Variants in LRP6 observed in about 807,000 individuals in gnomAD.
The protein encoded by LRP6 is LDL receptor related protein 6.
In LRP6, 43 loss-of-function variants were observed where a neutral mutation model predicts 184.1. The ratio of observed to expected loss-of-function variants is 0.23; its 90% CI spans 0.18 to 0.30. The LOEUF (loss-of-function observed/expected upper bound fraction) is 0.30. Ranked by LOEUF, LRP6 falls within the 10% of genes least tolerant of loss-of-function variation. The pLI is 1.00. For synonymous variants in LRP6, 719 were observed against 684.9 expected (o/e 1.05, Z -0.78); for missense variants, 1,571 against 2,005.3 (o/e 0.78, Z 4.14).
At chr12:12,184,712 A>G (rs1863427539) in intron 4 of LRP6, among the ~76,000 whole-genome samples, 1 of 152,250 alleles carries the variant, frequency 6.6e-6, no homozygotes, top group Non-Finnish European at 1.5e-5. Context: ...GGAATAGATT[A>G]AAGTGAAGGA....
chr12:12,169,234 G>GCTAATA (rs1555110241), intron 7 of LRP6, among the ~76,000 whole-genome samples: 3 of 148,706 alleles, frequency 2.0e-5, no homozygotes, highest in Admixed American at 1.3e-4. Flanking sequence ...GCCTCAAAAT[G>GCTAATA]ATAATAATAA....
intron 3 of LRP6, among the ~76,000 whole-genome samples, chr12:12,198,530 C>CTTTTTTTTTTTTTTTT (rs56150307): frequency 3.9e-5 from 3 of 76,990 alleles, no homozygotes; most frequent in Non-Finnish European, 5.0e-5. Flanking sequence ...GAATTTTTCT[C>CTTTTTTTTTTTTTTTT]TTTTTTTTTT....
In LRP6 at chr12:12,165,160, G is replaced by A. The variant is rs1565587538; in HGVS notation, c.1681C>T (p.Arg561Ter). ...QRRSIERVHKRSAEREVIIDQ... is the reference protein window; with the variant it reads ...QRRSIERVHK ...ATGATCACTTCCCTCTCTGCACTTCGTTTATGAACTCTTTCAATGCTACGC... is the reference window on the plus strand; with the variant it reads ...ATGATCACTTCCCTCTCTGCACTTCATTTATGAACTCTTTCAATGCTACGC... Residue 561 changes from arginine (R) to a stop codon, truncating the protein, a stop_gained, in exon 8 of 23, where the codon CGA (arginine) becomes TGA (stop). Transcript: ENST00000261349. LOFTEE classifies it high-confidence loss of function. 6.2e-7 allele frequency: 1 copy of A among 1,613,842 alleles called. No individual in the cohort carries two copies. Among genetic ancestry groups the A allele is most frequent in the African/African-American group, 1.3e-5 (1 of 74,944 alleles).
chr12:12,127,069 C>CA, intron 19 of LRP6, 148 bp from the exon 20 acceptor site: 2 of 697,200 alleles, frequency 2.9e-6, no homozygotes, highest in Non-Finnish European at 5.1e-6. Flanking sequence ...TGAGTACATA[C>CA]ATACCACGCC....
intron 2 of LRP6, among the ~76,000 whole-genome samples, chr12:12,237,467 G>GT (rs1477009396): frequency 6.6e-6 from 1 of 152,122 alleles, no homozygotes; most frequent in Non-Finnish European, 1.5e-5. Flanking sequence ...GTGGATAAAA[G>GT]TATGATGAGA....
chr12:12,137,246 G>T (rs140423693), intron 16 of LRP6, among the ~76,000 whole-genome samples: 4 of 152,078 alleles, frequency 2.6e-5, no homozygotes, highest in Non-Finnish European at 5.9e-5. Flanking sequence ...TGGCATCCCC[G>T]GTACCATCAT....
chr12:12,166,874 G>A (rs993070181), intron 7 of LRP6, among the ~76,000 whole-genome samples: 1 of 152,190 alleles, frequency 6.6e-6, no homozygotes, highest in Non-Finnish European at 1.5e-5. Flanking sequence ...AAGGCAGGAG[G>A]AGCACTTAAG....
At chr12:12,161,273 T>C (rs1046031639) in intron 10 of LRP6, among the ~76,000 whole-genome samples, 1 of 147,708 alleles carries the variant, frequency 6.8e-6, no homozygotes, top group Non-Finnish European at 1.5e-5. Context: ...TGTTTACTTC[T>C]TTTTTTTTTT....
intron 2 of LRP6, among the ~76,000 whole-genome samples, chr12:12,229,044 G>T (rs1186946097): frequency 6.6e-6 from 1 of 152,176 alleles, no homozygotes; most frequent in East Asian, 1.9e-4. Context: ...GATCTGCTAG[G>T]ATATGACACA....
chr12:12,258,894 T>C (rs954664418), intron 1 of LRP6, among the ~76,000 whole-genome samples: 4 of 152,082 alleles, frequency 2.6e-5, no homozygotes, highest in Non-Finnish European at 4.4e-5. Context: ...TTAGAGAAAA[T>C]AGCCTCCTGG....
Position 12,132,000 on chromosome 12 carries a change from A to T in LRP6, c.3791T>A (p.Ile1264Asn). The T allele has an allele frequency of 6.2e-7, 1 of 1,614,170 alleles. No individual in the cohort carries two copies. The highest frequency in any genetic ancestry group is 8.5e-7 in the Non-Finnish European group (1 of 1,180,032). Residue 1264 changes from isoleucine to asparagine, a missense_variant, in exon 18 of 23, where the codon ATC becomes AAC. Transcript: ENST00000261349. Reference sequence around the variant, plus strand: ...CCCATCGCACCGCCAAGCCACAGGGATACAGTCAATTTCCCCCGTGAAACA... The same window carrying T: ...CCCATCGCACCGCCAAGCCACAGGGTTACAGTCAATTTCCCCCGTGAAACA... Reference protein sequence around the residue: ...FTCFTGEIDCIPVAWRCDGFT... With the variant: ...FTCFTGEIDCNPVAWRCDGFT...
chr12:12,196,539 G>A lies in LRP6; in HGVS notation c.647+6664C>T, dbSNP rs539573052. Among the ~76,000 whole-genome samples the A allele has an allele frequency of 1.7e-4, 25 of 150,336 alleles. No homozygotes were observed. In the East Asian group the frequency reaches 4.7e-3, roughly 28 times the overall value. On this transcript the variant is annotated intron_variant, in intron 3 of 22. Transcript: ENST00000261349. ...ATAGAAATGCTACTGATCTTTTTGT[G>A]TTGATTTTGTATCCTGCAACTTTAC... is the stretch of plus-strand genomic sequence containing the variant.
chr12:12,208,730 T>C (rs1165840727), intron 2 of LRP6, among the ~76,000 whole-genome samples: 1 of 152,138 alleles, frequency 6.6e-6, no homozygotes, highest in African/African-American at 2.4e-5. Flanking sequence ...CACACTGAAA[T>C]GGGTAAAGGA....
rs533564115 is a variant in LRP6 at position 12,181,395 on chromosome 12, G to A, written c.1021C>T (p.Arg341Cys). 1.2e-5 allele frequency: 18 copies of A among 1,484,706 alleles called. No homozygotes were observed. The highest frequency in any genetic ancestry group is 6.8e-5 in the East Asian group (3 of 44,296). 92.0% of individuals were successfully genotyped at this position (1,484,706 alleles called of 1,614,324 possible). A position where few individuals can be genotyped will look rare whatever the true frequency, so the allele number is the denominator to read the frequency against. Reference protein sequence around the residue: ...LLLARRTDLRRISLDTPDFTD... With the variant: ...LLLARRTDLRCISLDTPDFTD... ...AAATCTGGTGTATCCAAAGAAATGC[G>A]TCTCAAGTCTGTCCTTCGAGCTAAA... Residue 341 changes from arginine to cysteine, a missense_variant, in exon 6 of 23, where the codon CGC becomes TGC. This residue lies in a region of LRP6 where 640 missense variants were observed against 851.9 expected (regional missense o/e 0.75). Coordinates refer to ENST00000261349, the MANE Select transcript of LRP6 (RefSeq NM_002336.3).
At chr12:12,199,707 T>A (rs1257239000) in intron 3 of LRP6, among the ~76,000 whole-genome samples, 1 of 152,052 alleles carries the variant, frequency 6.6e-6, no homozygotes, top group African/African-American at 2.4e-5. Flanking sequence ...GGCTCATGCC[T>A]GTAATTCCAG....
At chr12:12,183,876 G>C in intron 5 of LRP6, 104 bp downstream of exon 5, 4 of 988,310 alleles carry the variant, frequency 4.0e-6, no homozygotes, top group Non-Finnish European at 6.4e-6. Context: ...TTAAGTGACT[G>C]GTCTCCCAAA....
At chr12:12,211,130 T>C (rs777091793) in intron 2 of LRP6, 4 of 152,194 alleles carry the variant, frequency 2.6e-5, no homozygotes, top group Non-Finnish European at 5.9e-5. Flanking sequence ...ACAGAGAATA[T>C]ACAGTAACCA....
Position 12,149,061 on chromosome 12 carries a change from G to A in LRP6, c.3087C>T (p.Tyr1029=). The change falls in exon 14 of 23, where the codon TAC becomes TAT. Residue 1029 remains tyrosine, a synonymous_variant. Transcript: ENST00000261349. ...LSIDIYSRYI[Y]WTCEATNVIN... ...TGACATTGGTAGCCTCACAAGTCCA[G>A]TAGATGTAGCGGCTGTAAATATCAA... is the stretch of plus-strand genomic sequence containing the variant. The A allele has an allele frequency of 6.2e-7, 1 of 1,614,044 alleles. No individual in the cohort carries two copies. Among genetic ancestry groups the A allele is most frequent in the Non-Finnish European group, 8.5e-7 (1 of 1,179,940 alleles).
At chr12:12,256,077 T>C (rs1485581927) in intron 1 of LRP6, among the ~76,000 whole-genome samples, 2 of 152,194 alleles carry the variant, frequency 1.3e-5, no homozygotes, top group Non-Finnish European at 2.9e-5. Flanking sequence ...GCTTTAGTCA[T>C]TCATCTTTCT....
Sources: gnomAD v4.1 joint callset for allele counts (sites outside exome capture counted in the v4.1 genomes callset) on GRCh38, gnomAD v4.1.1 for gene constraint, gnomAD v4.1.1 regional missense constraint, MANE v1.5 for transcripts, NCBI Gene and HGNC (gene_info 2026-07-23, HGNC 2026-07-21) for gene names.